Variants in ALK observed in about 807,000 individuals in gnomAD.
The protein encoded by ALK is ALK tyrosine kinase receptor.
In ALK, 74 loss-of-function variants were observed where a neutral mutation model predicts 163.1. That is an observed-to-expected ratio of 0.45 (90% CI 0.38 to 0.55). The LOEUF is 0.55. Among genes scored for constraint, ALK ranks in the 20% least tolerant of loss-of-function variants. The pLI, the probability that ALK is intolerant of heterozygous loss-of-function variation, is 0.00. For synonymous variants in ALK, 960 were observed against 843.2 expected, an observed-to-expected ratio of 1.14 and a Z score of -2.40; for missense variants, 2,063 against 2,105.3, an observed-to-expected ratio of 0.98 and a Z score of 0.39.
At chr2:29,236,777 G>A (rs1664397362) in intron 13 of ALK, among the ~76,000 whole-genome samples, 1 of 152,088 alleles carries the variant, frequency 6.6e-6, no homozygotes, top group African/African-American at 2.4e-5. Context: ...GGTCCCTTAA[G>A]CTCGGTCTTC....
At chr2:29,415,533 C>G (rs184629979) in intron 4 of ALK, among the ~76,000 whole-genome samples, 1 of 152,192 alleles carries the variant, frequency 6.6e-6, no homozygotes, top group Admixed American at 6.5e-5. Context: ...TAGGACCACA[C>G]AGTGCTGCTT....
intron 1 of ALK, among the ~76,000 whole-genome samples, chr2:29,769,741 T>C (rs1680965066): frequency 6.6e-6 from 1 of 152,104 alleles, no homozygotes; most frequent in South Asian, 2.1e-4. Flanking sequence ...TAAATGTGCA[T>C]CGAGATGCTA....
chr2:29,640,572 A>T (rs1290699521), intron 3 of ALK, among the ~76,000 whole-genome samples: 1 of 152,164 alleles, frequency 6.6e-6, no homozygotes, highest in Non-Finnish European at 1.5e-5. Flanking sequence ...GACAGGCCAC[A>T]TTCCTGTACA....
chr2:29,679,634 G>T (rs570195984), intron 3 of ALK, among the ~76,000 whole-genome samples: 2 of 151,770 alleles, frequency 1.3e-5, no homozygotes, highest in East Asian at 1.9e-4. Context: ...TGCTGTTATT[G>T]TCCTATATAC....
At chr2:29,786,510 G>A (rs1314117377) in intron 1 of ALK, among the ~76,000 whole-genome samples, 8 of 152,186 alleles carry the variant, frequency 5.3e-5, no homozygotes, top group Non-Finnish European at 1.0e-4. Context: ...TAAGAGCGAC[G>A]GTGCTGGAGG....
rs1674277986 is a variant in ALK at position 29,569,037 on chromosome 2, C to G, written c.953-36921G>C. Among the ~76,000 whole-genome samples, 3 of 152,142 alleles carry G rather than the reference C, an allele frequency of 2.0e-5. No homozygotes were observed. In the South Asian group the frequency reaches 6.2e-4, roughly 31 times the overall value. On this transcript the variant is annotated intron_variant, in intron 3 of 28. Coordinates refer to ENST00000389048, the MANE Select transcript of ALK (RefSeq NM_004304.5). Reference sequence around the variant, plus strand: ...TTGGCTCTCTGCAGTACCCCTGTTTCCATCCAAAGAGGAAGGCCAGAGACT... The same window carrying G: ...TTGGCTCTCTGCAGTACCCCTGTTTGCATCCAAAGAGGAAGGCCAGAGACT...
At chr2:29,400,846 A>G (rs1669427109) in intron 4 of ALK, among the ~76,000 whole-genome samples, 1 of 152,082 alleles carries the variant, frequency 6.6e-6, no homozygotes, top group African/African-American at 2.4e-5. Context: ...ATGGTGGCAC[A>G]TGCCTGTAGC....
At chr2:29,749,614 G>A (rs1352135208) in intron 1 of ALK, among the ~76,000 whole-genome samples, 1 of 152,172 alleles carries the variant, frequency 6.6e-6, no homozygotes, top group Admixed American at 6.5e-5. Context: ...CAGGAGGGAA[G>A]CTGCTCCATA....
intron 3 of ALK, among the ~76,000 whole-genome samples, chr2:29,632,251 T>G (rs1197288548): frequency 6.6e-6 from 1 of 152,174 alleles, no homozygotes; most frequent in African/African-American, 2.4e-5. Context: ...CAGCCAGGTT[T>G]TCCTTGTAGA....
At chr2:29,870,640 TTTTAATGATGTGGAA>T (rs968513103) in intron 1 of ALK, among the ~76,000 whole-genome samples, 2 of 152,292 alleles carry the variant, frequency 1.3e-5, no homozygotes, top group Admixed American at 1.3e-4. Context: ...TACAAAGACT[TTTTAATGATGTGGAA>T]CATGTAATAC....
chr2:29,708,465 G>A lies in ALK; in HGVS notation c.787+9113C>T, dbSNP rs142852851. ...CAGTGAATACCCTCACCAGAATCCT[G>A]TTTTTAAGGTGCTCTCCAAGTGACT... On this transcript the variant is annotated intron_variant, in intron 2 of 28. Coordinates refer to ENST00000389048, the MANE Select transcript of ALK (RefSeq NM_004304.5). 1.6e-3 allele frequency among the ~76,000 whole-genome samples: 244 copies of A among 152,268 alleles called. 1 individual carries two copies. Among genetic ancestry groups the A allele is most frequent in the Middle Eastern group, 3.4e-3 (1 of 294 alleles).
intron 4 of ALK, among the ~76,000 whole-genome samples, chr2:29,476,887 C>G (rs1044648334): frequency 6.6e-6 from 1 of 152,206 alleles, no homozygotes. Flanking sequence ...TAATGACTCT[C>G]TGGGTATTGA....
intron 3 of ALK, among the ~76,000 whole-genome samples, chr2:29,613,214 G>A (rs1281519062): frequency 2.6e-5 from 4 of 152,002 alleles, no homozygotes; most frequent in Admixed American, 6.5e-5. Flanking sequence ...ATTATTTTTC[G>A]AATGCCTGAG....
At chr2:29,659,234 G>A (rs1461263472) in intron 3 of ALK, among the ~76,000 whole-genome samples, 1 of 152,146 alleles carries the variant, frequency 6.6e-6, no homozygotes, top group Non-Finnish European at 1.5e-5. Context: ...TGACTGATAG[G>A]GAGATTTGCA....
intron 1 of ALK, among the ~76,000 whole-genome samples, chr2:29,915,032 T>C (rs1477042038): frequency 6.6e-6 from 1 of 152,206 alleles, no homozygotes; most frequent in Non-Finnish European, 1.5e-5. Flanking sequence ...TTATAAATTG[T>C]AAAGTTCCAA....
rs1667950122 is a variant in ALK, at chr2:29,920,128, T to C, written c.532A>G (p.Ile178Val). 1.9e-6 allele frequency: 3 copies of C among 1,614,014 alleles called. No homozygotes were observed. Among genetic ancestry groups the C allele is most frequent in the Non-Finnish European group, 2.5e-6 (3 of 1,180,042 alleles). The change falls in exon 1 of 29, where the codon ATT (isoleucine) becomes GTT (valine). Residue 178 changes from isoleucine to valine, a missense_variant. Physicochemically the swap from Ile to Val is conservative, Grantham distance 29 (BLOSUM62 3). This residue lies in a region of ALK where 987 missense variants were observed against 939.5 expected (regional missense o/e 1.05). Transcript: ENST00000389048. ...FNLSELFSWW[I>V]RQGEGRLRIR... Reference sequence around the variant, plus strand: ...CTCAGTCGCCCTTCGCCTTGGCGAATCCACCAACTGAACAGCTCGCTGAGA... The same window carrying C: ...CTCAGTCGCCCTTCGCCTTGGCGAACCCACCAACTGAACAGCTCGCTGAGA...
At chr2:29,204,623 CTTGTCACCCAGGCTGGA>C (rs1288368180) in intron 26 of ALK, among the ~76,000 whole-genome samples, 1 of 151,996 alleles carries the variant, frequency 6.6e-6, no homozygotes, top group African/African-American at 2.4e-5. Flanking sequence ...GAGTTTCGCT[CTTGTCACCCAGGCTGGA>C]GTGCAGTTGC....
At chr2:29,216,937 G>GTGTGTGGTC (rs1441492649) in intron 23 of ALK, among the ~76,000 whole-genome samples, 3,332 of 52,438 alleles carry the variant, frequency 0.064, 130 homozygotes, top group African/African-American at 0.17. Flanking sequence ...TGTGGGGGGT[G>GTGTGTGGTC]TGTGTGTGGC....
chr2:29,571,699 C>A (rs1056755175), intron 3 of ALK, among the ~76,000 whole-genome samples: 6 of 143,406 alleles, frequency 4.2e-5, no homozygotes, highest in Non-Finnish European at 6.0e-5. Context: ...TCACTGCAAC[C>A]TCCGTCTCCT....
Sources: allele counts gnomAD v4.1 joint callset (sites outside exome capture counted in the v4.1 genomes callset), GRCh38; gene constraint gnomAD v4.1.1; regional missense constraint gnomAD v4.1.1; transcripts MANE v1.5; gene names NCBI Gene and HGNC (gene_info 2026-07-23, HGNC 2026-07-21).